Variants in GRIK4 observed in about 807,000 individuals in gnomAD.
GRIK4 encodes glutamate ionotropic receptor kainate type subunit 4.
GRIK4 carries 40 observed loss-of-function variants against 104.9 expected under a neutral mutation model. That is an observed-to-expected ratio of 0.38 (90% CI 0.30 to 0.50). The LOEUF (loss-of-function observed/expected upper bound fraction) is 0.50. Ranked by LOEUF, GRIK4 falls within the 20% of genes least tolerant of loss-of-function variation. GRIK4 has a pLI of 0.93. For synonymous variants in GRIK4, 485 were observed against 524.9 expected, an observed-to-expected ratio of 0.92 and a Z score of 1.04; for missense variants, 1,047 against 1,308.1, an observed-to-expected ratio of 0.80 and a Z score of 3.08.
intron 12 of GRIK4, among the ~76,000 whole-genome samples, chr11:120,899,809 A>G (rs1942683283): frequency 6.6e-6 from 1 of 152,224 alleles, no homozygotes; most frequent in Non-Finnish European, 1.5e-5. Flanking sequence ...AGCAGGAGAT[A>G]GCCAGTGGAA....
At chr11:120,674,727 C>T (rs1950072506) in intron 3 of GRIK4, among the ~76,000 whole-genome samples, 1 of 152,214 alleles carries the variant, frequency 6.6e-6, no homozygotes. Context: ...TTTCAGCTCC[C>T]AGATGAAAGA....
intron 3 of GRIK4, among the ~76,000 whole-genome samples, chr11:120,673,295 C>A (rs1172844438): frequency 6.6e-6 from 1 of 152,160 alleles, no homozygotes; most frequent in Non-Finnish European, 1.5e-5. Context: ...ATGATGGAGA[C>A]CCAAGGGAGG....
intron 19 of GRIK4, among the ~76,000 whole-genome samples, chr11:120,980,102 C>G (rs1196568760): frequency 6.6e-6 from 1 of 152,186 alleles, no homozygotes; most frequent in African/African-American, 2.4e-5. Flanking sequence ...TCCCAAAGGG[C>G]TAGGATTACA....
chr11:120,879,995 C>G (rs900263171), intron 11 of GRIK4, among the ~76,000 whole-genome samples: 1 of 152,188 alleles, frequency 6.6e-6, no homozygotes, highest in Admixed American at 6.5e-5. Context: ...TTTGTTAGTG[C>G]TGTAATAAGA....
intron 1 of GRIK4, among the ~76,000 whole-genome samples, chr11:120,638,446 A>G (rs1591759862): frequency 6.6e-6 from 1 of 151,200 alleles, no homozygotes; most frequent in African/African-American, 2.4e-5. Flanking sequence ...GTTTATCCTC[A>G]TGCTCTGCTA....
chr11:120,575,578 G>A (rs1948472190), intron 1 of GRIK4, among the ~76,000 whole-genome samples: 1 of 152,074 alleles, frequency 6.6e-6, no homozygotes, highest in Non-Finnish European at 1.5e-5. Context: ...TGGGTTTGGG[G>A]TGTGTGCGTG....
intron 3 of GRIK4, among the ~76,000 whole-genome samples, chr11:120,663,736 C>T (rs930080110): frequency 2.6e-5 from 4 of 152,148 alleles, no homozygotes; most frequent in Non-Finnish European, 4.4e-5. Flanking sequence ...CCTGCTCTCC[C>T]TATAGTGCTC....
intron 1 of GRIK4, among the ~76,000 whole-genome samples, chr11:120,602,078 C>A (rs574193560): frequency 6.6e-6 from 1 of 152,046 alleles, no homozygotes; most frequent in Non-Finnish European, 1.5e-5. Flanking sequence ...CAGCCAGGTA[C>A]CCCGGGGCTG....
intron 3 of GRIK4, among the ~76,000 whole-genome samples, chr11:120,700,313 G>T (rs1950531466): frequency 6.7e-6 from 1 of 148,546 alleles, no homozygotes; most frequent in African/African-American, 2.5e-5. Flanking sequence ...TGTCGCCCAG[G>T]CTGGAGTGGA....
At chr11:120,865,848 C>T (rs1048336457) in intron 9 of GRIK4, among the ~76,000 whole-genome samples, 2 of 152,068 alleles carry the variant, frequency 1.3e-5, no homozygotes, top group African/African-American at 4.8e-5. Context: ...CCTGGTTCTG[C>T]AAGCTGTACA....
intron 4 of GRIK4, among the ~76,000 whole-genome samples, chr11:120,815,023 C>T (rs567999817): frequency 1.2e-4 from 19 of 152,238 alleles, no homozygotes; most frequent in Non-Finnish European, 2.1e-4. Flanking sequence ...CCCCTACCCC[C>T]CTGCAGGCCA....
intron 3 of GRIK4, among the ~76,000 whole-genome samples, chr11:120,791,225 G>T (rs1306892398): frequency 1.3e-5 from 2 of 152,084 alleles, no homozygotes; most frequent in Non-Finnish European, 2.9e-5. Flanking sequence ...AAGAGGTTGG[G>T]GCATATGAGA....
At chr11:120,907,662 C>G (rs114484506) in intron 13 of GRIK4, among the ~76,000 whole-genome samples, 27 of 152,202 alleles carry the variant, frequency 1.8e-4, no homozygotes, top group African/African-American at 6.5e-4. Flanking sequence ...AATGAATGAT[C>G]GCATTCTTGT....
chr11:120,618,777 A>G (rs77240888), intron 1 of GRIK4, among the ~76,000 whole-genome samples: 2,926 of 152,340 alleles, frequency 0.019, 84 homozygotes, highest in African/African-American at 0.067. Context: ...CTAAGCTGGC[A>G]GGTGCACAGA....
chr11:120,748,361 T>A (rs1951484296), intron 3 of GRIK4, among the ~76,000 whole-genome samples: 1 of 152,066 alleles, frequency 6.6e-6, no homozygotes, highest in Admixed American at 6.5e-5. Context: ...TTCCTCACTT[T>A]TATTTATCAC....
intron 3 of GRIK4, among the ~76,000 whole-genome samples, chr11:120,723,126 G>C (rs1950963264): frequency 6.6e-6 from 1 of 152,090 alleles, no homozygotes; most frequent in African/African-American, 2.4e-5. Flanking sequence ...CTTGTTTAAT[G>C]CTCATCATTG....
chr11:120,811,005 C>T (rs909604170), intron 4 of GRIK4, among the ~76,000 whole-genome samples: 8 of 152,172 alleles, frequency 5.3e-5, no homozygotes, highest in Non-Finnish European at 1.0e-4. Flanking sequence ...TGTTCACAGA[C>T]CCCTGACTTC....
chr11:120,974,416 A>AT (rs1944527556), intron 19 of GRIK4, among the ~76,000 whole-genome samples: 1 of 152,226 alleles, frequency 6.6e-6, no homozygotes, highest in African/African-American at 2.4e-5. Context: ...GAAAGGAACT[A>AT]TGAGTGGGTC....
intron 1 of GRIK4, among the ~76,000 whole-genome samples, chr11:120,589,919 T>C (rs1948714479): frequency 1.3e-5 from 2 of 152,162 alleles, no homozygotes; most frequent in Non-Finnish European, 2.9e-5. Context: ...TCAAAGGTCA[T>C]TGGACCCAAT....
Sources: allele counts gnomAD v4.1 joint callset (sites outside exome capture counted in the v4.1 genomes callset), GRCh38; gene constraint gnomAD v4.1.1; transcripts MANE v1.5; gene names NCBI Gene and HGNC (gene_info 2026-07-23, HGNC 2026-07-21).